The following ICE1 variants were observed in gnomAD, a reference collection of about 807,000 sequenced individuals.
The protein encoded by ICE1 is little elongation complex subunit 1.
ICE1 carries 64 observed loss-of-function variants against 192.7 expected under a neutral mutation model. The observed-to-expected ratio is 0.33, with a 90% CI of 0.27 to 0.41. The LOEUF is 0.41. Among genes scored for constraint, ICE1 ranks in the 10% least tolerant of loss-of-function variants. ICE1 has a pLI of 1.00. For missense variants in ICE1, 2,708 were observed against 2,696.0 expected, an observed-to-expected ratio of 1.00 and a Z score of -0.10; for synonymous variants, 1,010 against 984.5, an observed-to-expected ratio of 1.03 and a Z score of -0.49.
At position 5,462,210 on chromosome 5, in the gene ICE1, T is replaced by C. The variant is rs1175417306; in HGVS notation, c.2876T>C (p.Phe959Ser). Residue 959 changes from phenylalanine (F) to serine (S), a missense_variant, in exon 13 of 19, where the codon TTC (phenylalanine) becomes TCC (serine). Phe to Ser is a radical substitution (Grantham distance 155). Transcript: ENST00000296564. The part of the protein sequence containing the change: ...SDCSTNSRLS[F>S]SPENILIQNQ... The stretch of plus-strand genomic sequence containing the variant: ...TGTTCCACAAATAGCAGATTATCTT[T>C]CTCTCCTGAAAATATCCTCATCCAA... 5 of 1,610,586 alleles carry C rather than the reference T, an allele frequency of 3.1e-6. No individual in the cohort carries two copies. Among genetic ancestry groups the C allele is most frequent in the African/African-American group, 1.3e-5 (1 of 74,912 alleles).
chr5:5,460,211 G>A (rs1463662555), intron 12 of ICE1, among the ~76,000 whole-genome samples: 2 of 152,168 alleles, frequency 1.3e-5, no homozygotes, highest in Non-Finnish European at 2.9e-5. Context: ...ATTGGGGGAG[G>A]TGTCTCTGCG....
Position 5,461,302 on chromosome 5 carries a change from T to G in ICE1, c.1968T>G (p.Asp656Glu). Reference protein sequence around the residue: ...QSSSGLDCGNDTDITTKVFST... With the variant: ...QSSSGLDCGNETDITTKVFST... ...CTTCTGGGTTAGACTGTGGTAATGA[T>G]ACAGATATTACTACTAAAGTATTCT... is the stretch of plus-strand genomic sequence containing the variant. Residue 656 changes from aspartate to glutamate, a missense_variant, in exon 13 of 19, where the codon GAT becomes GAG. Asp to Glu is a conservative substitution (Grantham distance 45, BLOSUM62 2). Transcript: ENST00000296564. 1.9e-6 allele frequency: 3 copies of G among 1,613,782 alleles called. No homozygotes were observed. Among genetic ancestry groups the G allele is most frequent in the Non-Finnish European group, 1.7e-6 (2 of 1,179,746 alleles).
chr5:5,465,034 G>T lies in ICE1; in HGVS notation c.5700G>T (p.Leu1900Phe), dbSNP rs1259898199. The change falls in exon 13 of 19, where the codon TTG becomes TTT. Residue 1900 changes from leucine to phenylalanine, a missense_variant. Physicochemically the swap from Leu to Phe is conservative, Grantham distance 22. Around this residue, in one of 2 missense-constraint regions of ICE1, gnomAD observed 2,366 missense variants for 2,276.6 expected, o/e 1.04. Transcript: ENST00000296564. The stretch of plus-strand genomic sequence containing the variant: ...CAGCCGTCAGTGCAGTTTCACAGTT[G>T]CCTTTAAGCCCAAAAGAAACTGTGG... ...SSPAVSAVSQ[L>F]PLSPKETVES... 6.2e-7 allele frequency: 1 copy of T among 1,613,938 alleles called. No homozygotes were observed. Among genetic ancestry groups the T allele is most frequent in the Non-Finnish European group, 8.5e-7 (1 of 1,179,874 alleles).
In ICE1 at chr5:5,464,772, C is replaced by T. The variant is rs1738929144; in HGVS notation, c.5438C>T (p.Ser1813Phe). 6.2e-7 allele frequency: 1 copy of T among 1,613,610 alleles called. No homozygotes were observed. The highest frequency in any genetic ancestry group is 8.5e-7 in the Non-Finnish European group (1 of 1,179,804). ...GCTTTTGTCAAAACTGGGAGCAGCTCTGGTGGTGACTGTAACCAAGACAAG... is the reference window on the plus strand; with the variant it reads ...GCTTTTGTCAAAACTGGGAGCAGCTTTGGTGGTGACTGTAACCAAGACAAG... ...ATAFVKTGSSSGGDCNQDKSR... is the reference protein window; with the variant it reads ...ATAFVKTGSSFGGDCNQDKSR... The change falls in exon 13 of 19, where the codon TCT (serine) becomes TTT (phenylalanine). Residue 1813 changes from serine (S) to phenylalanine (F), a missense_variant. Physicochemically the swap from Ser to Phe is radical, Grantham distance 155 (BLOSUM62 -2). Around this residue, in one of 2 missense-constraint regions of ICE1, gnomAD observed 2,366 missense variants for 2,276.6 expected, o/e 1.04. Transcript: ENST00000296564. This position sits in a 1 kb window ranked among gnomAD's most constrained non-coding sequence, Gnocchi z 4.0.
At chr5:5,475,144 G>C (rs1404303294) in intron 16 of ICE1, among the ~76,000 whole-genome samples, 25 of 152,088 alleles carry the variant, frequency 1.6e-4, no homozygotes, top group Non-Finnish European at 8.8e-5. Context: ...GAAGAGACCA[G>C]GGCTGGTGCC....
chr5:5,450,733 A>G (rs1487416570), intron 10 of ICE1, among the ~76,000 whole-genome samples: 1 of 152,226 alleles, frequency 6.6e-6, no homozygotes, highest in African/African-American at 2.4e-5. Context: ...GGTAAAAAAT[A>G]ATAAAAGCTT....
rs777911562 is a variant in ICE1 at position 5,462,779 on chromosome 5, G to A, written c.3445G>A (p.Val1149Ile). The change falls in exon 13 of 19, where the codon GTA becomes ATA. Residue 1149 changes from valine to isoleucine, a missense_variant. Val to Ile is a conservative substitution (Grantham distance 29). Coordinates refer to ENST00000296564, the MANE Select transcript of ICE1 (RefSeq NM_015325.3). ...AVAEVRPSLE[V>I]GYLTSALQDF... ...AGCCGAGGTGAGACCTTCCTTAGAG[G>A]TAGGTTATTTGACGTCAGCTCTGCA... 1 of 1,613,634 alleles carries A rather than the reference G, an allele frequency of 6.2e-7. No homozygotes were observed. The highest frequency in any genetic ancestry group is 8.5e-7 in the Non-Finnish European group (1 of 1,179,730).
chr5:5,460,912 G>C lies in ICE1; in HGVS notation c.1578G>C (p.Gly526=). Residue 526 remains glycine (G), a synonymous_variant, in exon 13 of 19, where the codon GGG becomes GGC. Transcript: ENST00000296564. ...CACAAGAGAAGGAAGCTGCCCCTGG[G>C]AAGTCTGAGTTGTGTTCTTCTCCCC... is the stretch of plus-strand genomic sequence containing the variant. ...SPAQEKEAAP[G]KSELCSSPLG... The C allele has an allele frequency of 6.2e-7, 1 of 1,614,024 alleles. No homozygotes were observed. The highest frequency in any genetic ancestry group is 8.5e-7 in the Non-Finnish European group (1 of 1,179,902).
At position 5,461,767 on chromosome 5, in the gene ICE1, T is replaced by C; in HGVS notation, c.2433T>C (p.His811=). The C allele has an allele frequency of 6.2e-7, 1 of 1,613,820 alleles. No individual in the cohort carries two copies. The highest frequency in any genetic ancestry group is 8.5e-7 in the Non-Finnish European group (1 of 1,179,810). ...AAAGTCTGAGAGCCAAATCAGAACA[T>C]GAACAGAAGACTAGCCATCAGTTAC... ...GEESLRAKSE[H]EQKTSHQLQK... is the part of the protein sequence containing the mutation. Residue 811 remains histidine (H), a synonymous_variant, in exon 13 of 19, where the codon CAT becomes CAC. Coordinates refer to ENST00000296564, the MANE Select transcript of ICE1 (RefSeq NM_015325.3).
At position 5,461,288 on chromosome 5, in the gene ICE1, G is replaced by T. The variant is rs1242518139; in HGVS notation, c.1954G>T (p.Asp652Tyr). ...GSNPQSSSGL[D>Y]CGNDTDITTK... is the part of the protein sequence containing the mutation. ...TAATCCCCAGTCTTCTTCTGGGTTA[G>T]ACTGTGGTAATGATACAGATATTAC... Residue 652 changes from aspartate to tyrosine, a missense_variant, in exon 13 of 19, where the codon GAC becomes TAC. Coordinates refer to ENST00000296564, the MANE Select transcript of ICE1 (RefSeq NM_015325.3). 6.2e-7 allele frequency: 1 copy of T among 1,613,732 alleles called. No individual in the cohort carries two copies. Among genetic ancestry groups the T allele is most frequent in the African/African-American group, 1.3e-5 (1 of 74,908 alleles).
At chr5:5,477,958 T>C (rs1339915157) in intron 17 of ICE1, among the ~76,000 whole-genome samples, 1 of 152,108 alleles carries the variant, frequency 6.6e-6, no homozygotes. Context: ...ACTCTCAAAC[T>C]AGGTATTGAT....
In ICE1 at chr5:5,457,686, C is replaced by T. The variant is rs747306242; in HGVS notation, c.1046C>T (p.Ser349Leu). The change falls in exon 12 of 19, where the codon TCG (serine) becomes TTG (leucine). Residue 349 changes from serine to leucine, a missense_variant. Around this residue, in one of 2 missense-constraint regions of ICE1, gnomAD observed 2,366 missense variants for 2,276.6 expected, o/e 1.04. Coordinates refer to ENST00000296564, the MANE Select transcript of ICE1 (RefSeq NM_015325.3). The stretch of plus-strand genomic sequence containing the variant: ...CCTCCTCTTCTGTCACCAGTGCCCT[C>T]GCCCCCTCCGATGTCATCACCTCAC... ...LPPPLLSPVP[S>L]PPPMSSPHPG... 5.6e-6 allele frequency: 9 copies of T among 1,613,910 alleles called. No individual in the cohort carries two copies. Among genetic ancestry groups the T allele is most frequent in the Admixed American group, 1.7e-5 (1 of 60,022 alleles).
At chr5:5,482,392 T>C (rs1419604237) in intron 17 of ICE1, among the ~76,000 whole-genome samples, 1 of 152,216 alleles carries the variant, frequency 6.6e-6, no homozygotes, top group Non-Finnish European at 1.5e-5. Context: ...AAAATGCTTA[T>C]AAACATATAA....
chr5:5,474,946 C>G (rs538915491), intron 16 of ICE1, among the ~76,000 whole-genome samples: 1 of 152,308 alleles, frequency 6.6e-6, no homozygotes, highest in Non-Finnish European at 1.5e-5. Context: ...AAACACATAG[C>G]TATGAATGGA....
chr5:5,467,392 C>G (rs1451585368), intron 14 of ICE1, among the ~76,000 whole-genome samples: 2 of 152,108 alleles, frequency 1.3e-5, no homozygotes, highest in Non-Finnish European at 2.9e-5. Context: ...TCGGCCAGGA[C>G]CACGATGGAT....
Position 5,457,653 on chromosome 5 carries a change from A to G in ICE1, c.1013A>G (p.Lys338Arg), listed in dbSNP as rs769481177. Residue 338 changes from lysine (K) to arginine (R), a missense_variant, in exon 12 of 19, where the codon AAA becomes AGA. This residue lies in a region of ICE1 where 2,366 missense variants were observed against 2,276.6 expected (regional missense o/e 1.04). Coordinates refer to ENST00000296564, the MANE Select transcript of ICE1 (RefSeq NM_015325.3). ...EDLQAAIDFF[K>R]LPPPLLSPVP... ...CTTCAAGCTGCAATTGACTTCTTCA[A>G]ACTTCCCCCTCCTCTTCTGTCACCA... 3.4e-5 allele frequency: 55 copies of G among 1,613,728 alleles called. No homozygotes were observed. Among genetic ancestry groups the G allele is most frequent in the Non-Finnish European group, 4.3e-5 (51 of 1,179,858 alleles).
chr5:5,457,429 G>C lies in ICE1; in HGVS notation c.789G>C (p.Gln263His). ...GCCCTCTCAGGACCTCAAATGTGCA[G>C]ACATGCCTCACAAAACTGTCCATGG... Reference protein sequence around the residue: ...QGSPLRTSNVQTCLTKLSMEI... With the variant: ...QGSPLRTSNVHTCLTKLSMEI... The change falls in exon 12 of 19, where the codon CAG (glutamine) becomes CAC (histidine). Residue 263 changes from glutamine (Q) to histidine (H), a missense_variant. Coordinates refer to ENST00000296564, the MANE Select transcript of ICE1 (RefSeq NM_015325.3). 6.2e-7 allele frequency: 1 copy of C among 1,613,792 alleles called. No homozygotes were observed. Among genetic ancestry groups the C allele is most frequent in the East Asian group, 2.2e-5 (1 of 44,876 alleles).
At chr5:5,488,057 T>G (rs1249819297) in intron 18 of ICE1, among the ~76,000 whole-genome samples, 2 of 151,390 alleles carry the variant, frequency 1.3e-5, no homozygotes, top group East Asian at 1.9e-4. Flanking sequence ...AAAATTATTT[T>G]TAACCTCTTG....
chr5:5,461,704 A>G lies in ICE1; in HGVS notation c.2370A>G (p.Ser790=). The G allele has an allele frequency of 1.9e-6, 3 of 1,613,862 alleles. No individual in the cohort carries two copies. Among genetic ancestry groups the G allele is most frequent in the South Asian group, 1.1e-5 (1 of 91,054 alleles). The change falls in exon 13 of 19, where the codon TCA becomes TCG. Residue 790 remains serine (S), a synonymous_variant. Transcript: ENST00000296564. ...GTTTGGGTTTTGTTAAAAGTACTTC[A>G]TGGCACCATAGTGATTTATTAAGGA... ...KSGLGFVKST[S]WHHSDLLRKG...
Sources: allele counts gnomAD v4.1 joint callset (sites outside exome capture counted in the v4.1 genomes callset), GRCh38; gene constraint gnomAD v4.1.1; regional missense constraint gnomAD v4.1.1; non-coding constraint Gnocchi (gnomAD v3.1); transcripts MANE v1.5; gene names NCBI Gene and HGNC (gene_info 2026-07-23, HGNC 2026-07-21).